Variants in MTRF1 observed in about 807,000 individuals in gnomAD.
The protein encoded by MTRF1 is mitochondrial translation release factor 1.
In MTRF1, 51 loss-of-function variants were observed where a neutral mutation model predicts 62.9. The ratio of observed to expected loss-of-function variants is 0.81; its 90% CI spans 0.65 to 1.02. MTRF1 has a LOEUF of 1.02. MTRF1 is among the 50% of genes least tolerant of loss of function. The probability of loss-of-function intolerance (pLI) is 0.00; values close to 1 mark genes in which losing one functional copy is unlikely to be tolerated. For synonymous variants in MTRF1, 158 were observed against 181.9 expected (o/e 0.87, Z 1.06); for missense variants, 446 against 530.0 (o/e 0.84, Z 1.56).
At chr13:41,228,669 CATTT>C (rs2034932819) in intron 7 of MTRF1, among the ~76,000 whole-genome samples, 2 of 152,306 alleles carry the variant, frequency 1.3e-5, no homozygotes, top group Admixed American at 6.5e-5. Flanking sequence ...ACAAAATATT[CATTT>C]GTCTTCATCC....
chr13:41,282,160 A>G, the MTRF1 span, among the ~76,000 whole-genome samples: 1 of 151,206 alleles, frequency 6.6e-6, no homozygotes, highest in African/African-American at 2.4e-5. Context: ...AAAAGAAAAT[A>G]CTCTGACTAA....
chr13:41,289,232 ATTTTT>A, the MTRF1 span, among the ~76,000 whole-genome samples: 1 of 137,494 alleles, frequency 7.3e-6, no homozygotes, highest in African/African-American at 2.7e-5. Context: ...GTGGATTTAA[ATTTTT>A]TTTTTTTTTT....
intron 3 of MTRF1, 23 bp from the exon 4 acceptor site, chr13:41,253,053 T>G (rs140902292): frequency 6.5e-6 from 10 of 1,542,234 alleles, no homozygotes; most frequent in Non-Finnish European, 8.9e-6. Context: ...TCAGCATTTG[T>G]GTGTATATTT....
At chr13:41,235,404 C>T (rs1370034783) in intron 6 of MTRF1, 2 of 152,106 alleles carry the variant, frequency 1.3e-5, no homozygotes, top group African/African-American at 4.8e-5. Context: ...CAACTTCATT[C>T]GTGCATGTGT....
chr13:41,303,913 G>A, the MTRF1 span, among the ~76,000 whole-genome samples: 1 of 151,858 alleles, frequency 6.6e-6, no homozygotes, highest in South Asian at 2.1e-4. Flanking sequence ...CCATTTTTTT[G>A]TTATCCTATA....
intron 3 of MTRF1, among the ~76,000 whole-genome samples, chr13:41,254,302 T>TTAA: frequency 6.6e-6 from 1 of 152,300 alleles, no homozygotes; most frequent in East Asian, 1.9e-4. Flanking sequence ...GTTAACAGAC[T>TTAA]CAACTTTGAA....
At chr13:41,262,359 A>AAAAAAAG (rs1555270246) in intron 1 of MTRF1, 1 of 132,086 alleles carries the variant, frequency 7.6e-6, no homozygotes, top group Non-Finnish European at 1.8e-5. Context: ...AAAAAAAAAG[A>AAAAAAAG]AACATACCAA....
intron 3 of MTRF1, among the ~76,000 whole-genome samples, chr13:41,253,639 GT>G (rs569589476): frequency 5.5e-4 from 84 of 152,186 alleles, no homozygotes; most frequent in African/African-American, 1.9e-3. Flanking sequence ...TTACTAAAAG[GT>G]TTTTCAAATC....
At chr13:41,233,636 CTGTT>C (rs2138846929) in intron 7 of MTRF1, among the ~76,000 whole-genome samples, 1 of 152,316 alleles carries the variant, frequency 6.6e-6, no homozygotes, top group African/African-American at 2.4e-5. Flanking sequence ...TGGGGCACCT[CTGTT>C]TGCTCACTCC....
intron 6 of MTRF1, chr13:41,235,451 A>G (rs1359061771): frequency 1.3e-5 from 2 of 152,196 alleles, no homozygotes; most frequent in African/African-American, 4.8e-5. Context: ...TCCCAAAAAG[A>G]TATGTTCATA....
At chr13:41,252,543 A>G (rs2039201123) in intron 5 of MTRF1, 102 bp downstream of exon 5, 1 of 826,322 alleles carries the variant, frequency 1.2e-6, no homozygotes, top group East Asian at 2.7e-5. Context: ...GTAGATATAC[A>G]CCAAAAGTTT....
At chr13:41,276,177 CTT>C in the MTRF1 span, among the ~76,000 whole-genome samples, 1 of 146,480 alleles carries the variant, frequency 6.8e-6, no homozygotes, top group Non-Finnish European at 1.5e-5. Context: ...TAATCAGTTC[CTT>C]TTTTTTTTTT....
the MTRF1 span, among the ~76,000 whole-genome samples, chr13:41,310,636 C>T: frequency 3.0e-4 from 46 of 152,332 alleles, no homozygotes; most frequent in African/African-American, 1.1e-3. Context: ...CGCCACTGCA[C>T]TGCAGCCTGG....
chr13:41,222,020 T>C (rs887061842), intron 9 of MTRF1, among the ~76,000 whole-genome samples: 2 of 152,174 alleles, frequency 1.3e-5, no homozygotes, highest in East Asian at 1.9e-4. Context: ...CATACAGAAA[T>C]TGACAAACAT....
intron 5 of MTRF1, among the ~76,000 whole-genome samples, chr13:41,242,049 A>G (rs1646789042): frequency 6.6e-6 from 1 of 152,230 alleles, no homozygotes; most frequent in Non-Finnish European, 1.5e-5. Context: ...ATTTGATTAC[A>G]TGGTGATACA....
chr13:41,223,274 A>G lies in MTRF1; in HGVS notation c.1206T>C (p.Tyr402=). ...QDRVSDHRIA[Y]EVRDIKEFLC... ...GTATTACCTTAATATCACGAACTTCATATGCTATCCTGTGGTCACTGACTC... is the reference window on the plus strand; with the variant it reads ...GTATTACCTTAATATCACGAACTTCGTATGCTATCCTGTGGTCACTGACTC... Residue 402 remains tyrosine, a synonymous_variant, in exon 9 of 10, where the codon TAT becomes TAC. Transcript: ENST00000379480. 1 of 1,613,300 alleles carries G rather than the reference A, an allele frequency of 6.2e-7. No homozygotes were observed.
chr13:41,260,512 T>C lies in MTRF1; in HGVS notation c.396A>G (p.Glu132=). ...EIQETEQAIE[E]LESMCKSLNK... ...ACCTACTTTTACACATTGATTCTAA[T>C]TCTTCAATTGCTTGTTCAGTCTCCT... Residue 132 remains glutamate (E), a synonymous_variant, in exon 2 of 10, where the codon GAA becomes GAG. Transcript: ENST00000379480. 6.2e-7 allele frequency: 1 copy of C among 1,613,184 alleles called. No homozygotes were observed. Among genetic ancestry groups the C allele is most frequent in the Non-Finnish European group, 8.5e-7 (1 of 1,179,432 alleles).
chr13:41,284,324 G>GA, the MTRF1 span, among the ~76,000 whole-genome samples: 1,063 of 126,332 alleles, frequency 8.4e-3, 6 homozygotes, highest in East Asian at 0.036. Flanking sequence ...CATCTCTACT[G>GA]AAAAAAAAAA....
At chr13:41,298,116 A>C in the MTRF1 span, among the ~76,000 whole-genome samples, 3 of 152,266 alleles carry the variant, frequency 2.0e-5, no homozygotes, top group Middle Eastern at 0.01. Context: ...TGCAAAGCAG[A>C]GGATTAGATT....
Sources: allele counts gnomAD v4.1 joint callset (sites outside exome capture counted in the v4.1 genomes callset), GRCh38; gene constraint gnomAD v4.1.1; transcripts MANE v1.5; gene names NCBI Gene and HGNC (gene_info 2026-07-23, HGNC 2026-07-21).